Variants in USP4 observed in about 807,000 individuals in gnomAD.
USP4 encodes ubiquitin specific peptidase 4, also known as ubiquitin carboxyl-terminal hydrolase 4.
USP4 carries 72 observed loss-of-function variants against 118.2 expected under a neutral mutation model. That is an observed-to-expected ratio of 0.61 (90% CI 0.50 to 0.74). The LOEUF is 0.74. Ranked by LOEUF, USP4 falls within the 30% of genes least tolerant of loss-of-function variation. The pLI, the probability that USP4 is intolerant of heterozygous loss-of-function variation, is 0.00. For missense variants in USP4, 1,037 were observed against 1,185.7 expected, an observed-to-expected ratio of 0.87 and a Z score of 1.84; for synonymous variants, 415 against 440.4, an observed-to-expected ratio of 0.94 and a Z score of 0.72.
chr3:49,339,836 G>T, intron 1 of USP4, 88 bp downstream of exon 1: 6 of 1,093,432 alleles, frequency 5.5e-6, no homozygotes, highest in Non-Finnish European at 8.1e-6. Context: ...TACCATCCCC[G>T]CCCAGCCCCT....
In USP4 at chr3:49,325,014, C is replaced by T; in HGVS notation, c.513G>A (p.Lys171=). The stretch of plus-strand genomic sequence containing the variant: ...CACGCTCCGCAGGGATGTTGAATAG[C>T]TTCCGCATCTCTTTCTCGATGGTTG... The part of the protein sequence containing the change: ...TIATIEKEMR[K]LFNIPAERET... The change falls in exon 5 of 22, where the codon AAG becomes AAA. Residue 171 remains lysine (K), a synonymous_variant. Transcript: ENST00000265560. 1 of 1,613,802 alleles carries T rather than the reference C, an allele frequency of 6.2e-7. No individual in the cohort carries two copies. Among genetic ancestry groups the T allele is most frequent in the Non-Finnish European group, 8.5e-7 (1 of 1,179,966 alleles).
At chr3:49,287,595 C>T (rs957894588) in intron 15 of USP4, among the ~76,000 whole-genome samples, 3 of 152,100 alleles carry the variant, frequency 2.0e-5, no homozygotes, top group Non-Finnish European at 4.4e-5. Flanking sequence ...GCCTCAGCCT[C>T]CTGAATAGCT....
At chr3:49,289,685 A>G (rs1274816596) in intron 15 of USP4, among the ~76,000 whole-genome samples, 1 of 151,970 alleles carries the variant, frequency 6.6e-6, no homozygotes, top group African/African-American at 2.4e-5. Context: ...AGCCTGGCCA[A>G]GATGGTGAAA....
At position 49,284,085 on chromosome 3, in the gene USP4, T is replaced by C. The variant is rs759097788; in HGVS notation, c.2442A>G (p.Leu814=). The part of the protein sequence containing the change: ...KHQQATKKFD[L]WSLPKILVVH... The stretch of plus-strand genomic sequence containing the variant: ...CCACCAGGATCTTGGGCAAGGACCA[T>C]AGGTCAAACTTTTTTGTGGCCTGTT... Residue 814 remains leucine (L), a synonymous_variant, in exon 19 of 22, where the codon CTA becomes CTG. Transcript: ENST00000265560. 5.6e-6 allele frequency: 9 copies of C among 1,614,250 alleles called. No individual in the cohort carries two copies. Among genetic ancestry groups the C allele is most frequent in the Middle Eastern group, 1.6e-4 (1 of 6,062 alleles).
At position 49,324,922 on chromosome 3, in the gene USP4, A is replaced by G; in HGVS notation, c.605T>C (p.Val202Ala). 1 of 1,614,134 alleles carries G rather than the reference A, an allele frequency of 6.2e-7. No homozygotes were observed. Among genetic ancestry groups the G allele is most frequent in the Non-Finnish European group, 8.5e-7 (1 of 1,180,028 alleles). The change falls in exon 5 of 22, where the codon GTC becomes GCC. Residue 202 changes from valine to alanine, a missense_variant. Around this residue, in one of 3 missense-constraint regions of USP4, gnomAD observed 487 missense variants for 534.1 expected, o/e 0.91. Coordinates refer to ENST00000265560, the MANE Select transcript of USP4 (RefSeq NM_003363.4). ...ACCCTGGTATAGCCCAGCATCCTGGACAGTGTTGTCTAGCTTGCTCAACTG... is the reference window on the plus strand; with the variant it reads ...ACCCTGGTATAGCCCAGCATCCTGGGCAGTGTTGTCTAGCTTGCTCAACTG... ...YEQLSKLDNTVQDAGLYQGQV... is the reference protein window; with the variant it reads ...YEQLSKLDNTAQDAGLYQGQV...
At chr3:49,336,175 T>TC (rs1299124616) in intron 1 of USP4, among the ~76,000 whole-genome samples, 1 of 145,602 alleles carries the variant, frequency 6.9e-6, no homozygotes, top group Non-Finnish European at 1.5e-5. Context: ...CTTTTTTTTT[T>TC]TTTTTTTTTT....
intron 21 of USP4, 45 bp downstream of exon 21, chr3:49,278,769 A>C (rs1228736811): frequency 9.9e-6 from 14 of 1,417,752 alleles, no homozygotes; most frequent in Non-Finnish European, 1.4e-5. Context: ...CCCAGCTTTA[A>C]TCCATAACGA....
At chr3:49,289,311 A>G (rs1413845958) in intron 15 of USP4, among the ~76,000 whole-genome samples, 3 of 152,136 alleles carry the variant, frequency 2.0e-5, no homozygotes, top group African/African-American at 7.2e-5. Context: ...CATGACCTCA[A>G]ATTGTAATTG....
intron 10 of USP4, among the ~76,000 whole-genome samples, chr3:49,301,374 A>G (rs1312926029): frequency 3.3e-5 from 5 of 152,042 alleles, no homozygotes; most frequent in Non-Finnish European, 7.4e-5. Flanking sequence ...AAGCCCCCCT[A>G]TATGTTTCCA....
intron 19 of USP4, 101 bp downstream of exon 19, chr3:49,283,886 T>C: frequency 6.9e-7 from 1 of 1,442,414 alleles, no homozygotes; most frequent in South Asian, 1.3e-5. Context: ...ACACACATCC[T>C]TACTCAGAAA....
intron 1 of USP4, among the ~76,000 whole-genome samples, chr3:49,338,044 C>CA (rs57186354): frequency 0.011 from 585 of 52,080 alleles, 69 homozygotes; most frequent in African/African-American, 0.031. Context: ...GACTTCGTCT[C>CA]AAAAAAAAAA....
chr3:49,280,559 C>CAAAAA, intron 20 of USP4, among the ~76,000 whole-genome samples, 185 bp downstream of exon 20: 1 of 52,560 alleles, frequency 1.9e-5, no homozygotes, highest in Non-Finnish European at 3.8e-5. Context: ...GACTCCGTCT[C>CAAAAA]AAAAAAAAAA....
chr3:49,337,171 G>A (rs1206380204), intron 1 of USP4, among the ~76,000 whole-genome samples: 4 of 151,930 alleles, frequency 2.6e-5, no homozygotes, highest in East Asian at 1.9e-4. Context: ...CCAGCTGCTC[G>A]GGAGGCTGAG....
At chr3:49,310,363 C>A (rs911422039) in intron 8 of USP4, among the ~76,000 whole-genome samples, 2 of 152,130 alleles carry the variant, frequency 1.3e-5, no homozygotes, top group Non-Finnish European at 2.9e-5. Flanking sequence ...GAGATCATAC[C>A]TCAACAGTCA....
chr3:49,340,043 C>A lies in USP4; in HGVS notation c.-19G>T, dbSNP rs201042624. ...CCGCCATCTCCTCCGCGGCCCCGGC[C>A]CAGCCGGCCCGGACATCCGCCCCGC... On this transcript the variant is annotated 5_prime_UTR_variant, in exon 1 of 22. Coordinates refer to ENST00000265560, the MANE Select transcript of USP4 (RefSeq NM_003363.4). The A allele has an allele frequency of 5.0e-6, 8 of 1,600,160 alleles. No homozygotes were observed. In the African/African-American group the frequency reaches 8.0e-5, roughly 16 times the overall value.
At chr3:49,335,435 G>C (rs1232379557) in intron 2 of USP4, 34 bp downstream of exon 2, 1 of 1,613,972 alleles carries the variant, frequency 6.2e-7, no homozygotes, top group East Asian at 2.2e-5. Context: ...CTGCCCAGGT[G>C]AATGTTTAGC....
At chr3:49,294,298 C>T (rs1414490726) in intron 14 of USP4, 109 bp downstream of exon 14, 1 of 1,232,894 alleles carries the variant, frequency 8.1e-7, no homozygotes, top group Non-Finnish European at 1.1e-6. Context: ...GCATTTCTTA[C>T]AGAGGTGAGC....
intron 6 of USP4, among the ~76,000 whole-genome samples, chr3:49,322,402 C>G (rs1176900365): frequency 6.6e-6 from 1 of 152,188 alleles, no homozygotes; most frequent in Non-Finnish European, 1.5e-5. Context: ...GCACAAACAT[C>G]CTGAAATATG....
At chr3:49,297,073 C>T (rs1281236384) in intron 13 of USP4, among the ~76,000 whole-genome samples, 2 of 152,208 alleles carry the variant, frequency 1.3e-5, no homozygotes, top group African/African-American at 4.8e-5. Flanking sequence ...CCTTTACATA[C>T]TGAATTCCTC....
Sources: gnomAD v4.1 joint callset for allele counts (sites outside exome capture counted in the v4.1 genomes callset) on GRCh38, gnomAD v4.1.1 for gene constraint, gnomAD v4.1.1 regional missense constraint, MANE v1.5 for transcripts, NCBI Gene and HGNC (gene_info 2026-07-23, HGNC 2026-07-21) for gene names.